ZNF891: variants seen among roughly 807,000 people sequenced by gnomAD.
The protein encoded by ZNF891 is hCG1646157.
For missense variants in ZNF891, 589 were observed against 632.7 expected (o/e 0.93, Z 0.74); for synonymous variants, 199 against 209.0 (o/e 0.95, Z 0.41).
At position 133,117,636 on chromosome 12, in the gene ZNF891, AC is replaced by A. The variant is rs1955722877; in HGVS notation, c.*2647del. On this transcript the variant is annotated 3_prime_UTR_variant, in exon 2 of 2. Coordinates refer to ENST00000537226, the MANE Select transcript of ZNF891 (RefSeq NM_001277291.2). Reference sequence around the variant, plus strand: ...GCTGCATATTAAACCTCACCATACTACATTCATCACATTAGAATTCAAACAT... The same window carrying A: ...GCTGCATATTAAACCTCACCATACTAATTCATCACATTAGAATTCAAACAT... The A allele has an allele frequency of 2.6e-5, 4 of 152,248 alleles. No homozygotes were observed. 9.4% of individuals were successfully genotyped at this position (152,248 alleles called of 1,614,324 possible).
rs1241503002 is a variant in ZNF891, at chr12:133,117,169, C to T, written c.*3115G>A. On this transcript the variant is annotated 3_prime_UTR_variant, in exon 2 of 2. Coordinates refer to ENST00000537226, the MANE Select transcript of ZNF891 (RefSeq NM_001277291.2). ...TAAAACCTCCTTGCAGAATTTCATCCACCTTCCTCTTAGCAGATAATCTTA... is the reference window on the plus strand; with the variant it reads ...TAAAACCTCCTTGCAGAATTTCATCTACCTTCCTCTTAGCAGATAATCTTA... 2 of 152,186 alleles carry T rather than the reference C, an allele frequency of 1.3e-5. No homozygotes were observed. The highest frequency in any genetic ancestry group is 2.4e-5 in the African/African-American group (1 of 41,448). 9.4% of individuals were successfully genotyped at this position (152,186 alleles called of 1,614,324 possible).
chr12:133,121,095 T>C lies in ZNF891; in HGVS notation c.824A>G (p.His275Arg). The change falls in exon 2 of 2, where the codon CAC (histidine) becomes CGC (arginine). Residue 275 changes from histidine (H) to arginine (R), a missense_variant. Transcript: ENST00000537226. ...KEYTYSKHGM[H>R]FTHNMFPVPN... ...TACAGGAAACATATTATGTGTGAAG[T>C]GCATTCCATGTTTAGAATATGTGTA... The C allele has an allele frequency of 6.5e-7, 1 of 1,535,530 alleles. No homozygotes were observed. Among genetic ancestry groups the C allele is most frequent in the Non-Finnish European group, 8.7e-7 (1 of 1,146,764 alleles).
Position 133,113,770 on chromosome 12 carries a change from T to C in ZNF891, c.*6514A>G, listed in dbSNP as rs533485554. The C allele has an allele frequency of 1.1e-4, 16 of 152,348 alleles. No individual in the cohort carries two copies. Among genetic ancestry groups the C allele is most frequent in the African/African-American group, 3.8e-4 (16 of 41,576 alleles). The allele number at this position is 152,348 out of a possible 1,614,324, so 9.4% of individuals were successfully genotyped here. On this transcript the variant is annotated 3_prime_UTR_variant, in exon 2 of 2. Coordinates refer to ENST00000537226, the MANE Select transcript of ZNF891 (RefSeq NM_001277291.2). Reference sequence around the variant, plus strand: ...CAGGGTCTTACTCTGTCACCCAGGCTGGAGTGCAGTGGTGCACACAGCTCA... The same window carrying C: ...CAGGGTCTTACTCTGTCACCCAGGCCGGAGTGCAGTGGTGCACACAGCTCA...
chr12:133,128,490 C>T (rs1317784401), intron 1 of ZNF891, among the ~76,000 whole-genome samples: 1 of 151,998 alleles, frequency 6.6e-6, no homozygotes. Context: ...AAAAATTAAC[C>T]GGGCATGGCA....
rs1955671818 is a variant in ZNF891 at position 133,110,129 on chromosome 12, C to A, written c.*10155G>T. Reference sequence around the variant, plus strand: ...TTTATTTACTCTCAGGACCTTCAGACAAAGTTTGTCAACTCTGATATAAAT... The same window carrying A: ...TTTATTTACTCTCAGGACCTTCAGAAAAAGTTTGTCAACTCTGATATAAAT... On this transcript the variant is annotated 3_prime_UTR_variant, in exon 2 of 2. Transcript: ENST00000537226. The A allele has an allele frequency of 6.6e-6, 1 of 152,178 alleles. No individual in the cohort carries two copies. The highest frequency in any genetic ancestry group is 1.5e-5 in the Non-Finnish European group (1 of 68,034). 9.4% of individuals were successfully genotyped at this position (152,178 alleles called of 1,614,324 possible). A position where few individuals can be genotyped will look rare whatever the true frequency, so the allele number is the denominator to read the frequency against.
intron 1 of ZNF891, among the ~76,000 whole-genome samples, chr12:133,128,084 A>C (rs1566339640): frequency 6.6e-6 from 1 of 152,210 alleles, no homozygotes; most frequent in African/African-American, 2.4e-5. Context: ...TGTAGAAAGA[A>C]GGCAGCCAAA....
Position 133,106,406 on chromosome 12 carries a change from AAG to A in ZNF891, c.*13876_*13877del. Reference sequence around the variant, plus strand: ...GCATGCATCCCTTATTCAACATACGAAGAGTCACACTGGAGAGAAACCCTATG... The same window carrying A: ...GCATGCATCCCTTATTCAACATACGAAGTCACACTGGAGAGAAACCCTATG... On this transcript the variant is annotated 3_prime_UTR_variant, in exon 2 of 2. Transcript: ENST00000537226. 6.2e-7 allele frequency: 1 copy of A among 1,614,200 alleles called. No individual in the cohort carries two copies. Among genetic ancestry groups the A allele is most frequent in the Non-Finnish European group, 8.5e-7 (1 of 1,180,028 alleles).
chr12:133,106,820 G>C lies in ZNF891; in HGVS notation c.*13464C>G. 1.9e-6 allele frequency: 1 copy of C among 526,208 alleles called. No homozygotes were observed. Among genetic ancestry groups the C allele is most frequent in the Non-Finnish European group, 3.1e-6 (1 of 320,108 alleles). 32.6% of individuals were successfully genotyped at this position (526,208 alleles called of 1,614,324 possible). A position where few individuals can be genotyped will look rare whatever the true frequency, so the allele number is the denominator to read the frequency against. On this transcript the variant is annotated 3_prime_UTR_variant, in exon 2 of 2. Transcript: ENST00000537226. ...TGGAGAAAAAAAAACCCAGGAATAT[G>C]TGGAAAAGCCATTAATAACCACTCT...
chr12:133,111,301 C>G lies in ZNF891; in HGVS notation c.*8983G>C, dbSNP rs910742362. The G allele has an allele frequency of 1.3e-5, 2 of 152,106 alleles. No individual in the cohort carries two copies. Among genetic ancestry groups the G allele is most frequent in the African/African-American group, 4.8e-5 (2 of 41,416 alleles). The allele number at this position is 152,106 out of a possible 1,614,324, so 9.4% of individuals were successfully genotyped here. A position where few individuals can be genotyped will look rare whatever the true frequency, so the allele number is the denominator to read the frequency against. On this transcript the variant is annotated 3_prime_UTR_variant, in exon 2 of 2. Transcript: ENST00000537226. The stretch of plus-strand genomic sequence containing the variant: ...TTGAGCCCAGGAGTTTGATACCAGC[C>G]TGGGCAATGCAGTGAGACCCCATTT...
Position 133,113,082 on chromosome 12 carries a change from A to ATT in ZNF891, c.*7201_*7202insAA, listed in dbSNP as rs1423050389. On this transcript the variant is annotated 3_prime_UTR_variant, in exon 2 of 2. Coordinates refer to ENST00000537226, the MANE Select transcript of ZNF891 (RefSeq NM_001277291.2). ...TCAAAAAATATATATATATATATTT[A>ATT]TATTTATTTATTAAAAATATATTTA... is the stretch of plus-strand genomic sequence containing the variant. 9.5e-5 allele frequency: 14 copies of ATT among 147,612 alleles called. No homozygotes were observed. Among genetic ancestry groups the ATT allele is most frequent in the African/African-American group, 3.4e-4 (14 of 40,742 alleles). The allele number at this position is 147,612 out of a possible 1,614,324, so 9.1% of individuals were successfully genotyped here.
rs953966609 is a variant in ZNF891 at position 133,113,121 on chromosome 12, A to T, written c.*7163T>A. 6.7e-5 allele frequency: 10 copies of T among 148,300 alleles called. No homozygotes were observed. The highest frequency in any genetic ancestry group is 4.2e-4 in the South Asian group (2 of 4,808). The allele number at this position is 148,300 out of a possible 1,614,324, so 9.2% of individuals were successfully genotyped here. ...AAAATATATTTATAAAATATAAAAA[A>T]ATATATTTTTCAATTTTTTTAATCT... On this transcript the variant is annotated 3_prime_UTR_variant, in exon 2 of 2. Coordinates refer to ENST00000537226, the MANE Select transcript of ZNF891 (RefSeq NM_001277291.2).
chr12:133,105,414 T>G lies in ZNF891; in HGVS notation c.*14870A>C. 2.2e-6 allele frequency: 3 copies of G among 1,338,082 alleles called. No homozygotes were observed. The highest frequency in any genetic ancestry group is 3.0e-6 in the Non-Finnish European group (3 of 1,001,518). 82.9% of individuals were successfully genotyped at this position (1,338,082 alleles called of 1,614,324 possible). A position where few individuals can be genotyped will look rare whatever the true frequency, so the allele number is the denominator to read the frequency against. The stretch of plus-strand genomic sequence containing the variant: ...TGAAAGCTGCTATTGATAAGATTTT[T>G]TGAAACTTCATTCTGTTGCTAAAGA... On this transcript the variant is annotated 3_prime_UTR_variant, in exon 2 of 2. Coordinates refer to ENST00000537226, the MANE Select transcript of ZNF891 (RefSeq NM_001277291.2).
Position 133,112,001 on chromosome 12 carries a change from A to T in ZNF891, c.*8283T>A, listed in dbSNP as rs1955685568. 6.6e-6 allele frequency: 1 copy of T among 152,306 alleles called. No individual in the cohort carries two copies. The highest frequency in any genetic ancestry group is 2.4e-5 in the African/African-American group (1 of 41,568). The allele number at this position is 152,306 out of a possible 1,614,324, so 9.4% of individuals were successfully genotyped here. On this transcript the variant is annotated 3_prime_UTR_variant, in exon 2 of 2. Coordinates refer to ENST00000537226, the MANE Select transcript of ZNF891 (RefSeq NM_001277291.2). Reference sequence around the variant, plus strand: ...AACAAATAATTTCAATCTCTGAAAAACTTAAATAGTTCCTCATAACTCTTC... The same window carrying T: ...AACAAATAATTTCAATCTCTGAAAATCTTAAATAGTTCCTCATAACTCTTC...
At chr12:133,127,857 C>T (rs951181249) in intron 1 of ZNF891, among the ~76,000 whole-genome samples, 2 of 151,918 alleles carry the variant, frequency 1.3e-5, no homozygotes, top group Non-Finnish European at 2.9e-5. Context: ...AAAATGGAAC[C>T]AAAAGACATT....
Position 133,120,828 on chromosome 12 carries a change from C to CTT in ZNF891, c.1089_1090dup (p.Arg364LysfsTer5). On this transcript the variant is annotated frameshift_variant, in exon 2 of 2. Transcript: ENST00000537226. LOFTEE classifies it low-confidence loss of function (END_TRUNC). ...TCCAGTGTGAGTTCTTACATGTCTC[C>CTT]TTAAGGTTGAGGAATCATTGAACAC... The CTT allele has an allele frequency of 6.4e-7, 1 of 1,561,178 alleles. No homozygotes were observed. The highest frequency in any genetic ancestry group is 8.7e-7 in the Non-Finnish European group (1 of 1,154,726).
rs1381093590 is a variant in ZNF891, at chr12:133,115,355, T to G, written c.*4929A>C. ...TTGCTGTGAGCCGAGAACGTGCCAC[T>G]GCACTCCAGCCTGGGAAAAAGCAAA... On this transcript the variant is annotated 3_prime_UTR_variant, in exon 2 of 2. Coordinates refer to ENST00000537226, the MANE Select transcript of ZNF891 (RefSeq NM_001277291.2). 1.9e-5 allele frequency: 2 copies of G among 105,010 alleles called. No individual in the cohort carries two copies. Among genetic ancestry groups the G allele is most frequent in the Non-Finnish European group, 3.8e-5 (2 of 52,730 alleles). 6.5% of individuals were successfully genotyped at this position (105,010 alleles called of 1,614,324 possible).
chr12:133,120,419 G>C lies in ZNF891; in HGVS notation c.1500C>G (p.Ser500=). 1 of 1,602,700 alleles carries C rather than the reference G, an allele frequency of 6.2e-7. No individual in the cohort carries two copies. The highest frequency in any genetic ancestry group is 8.5e-7 in the Non-Finnish European group (1 of 1,175,204). ...CKECRKAFSV[S]SSLRRHVRIH... Reference sequence around the variant, plus strand: ...TTCTCACATGCCTCCTAAGGGAAGAGGAAACACTGAAGGCTTTCCTACATT... The same window carrying C: ...TTCTCACATGCCTCCTAAGGGAAGACGAAACACTGAAGGCTTTCCTACATT... The change falls in exon 2 of 2, where the codon TCC becomes TCG. Residue 500 remains serine, a synonymous_variant. Transcript: ENST00000537226.
chr12:133,126,124 AT>A (rs1033760060), intron 1 of ZNF891, among the ~76,000 whole-genome samples: 1 of 152,070 alleles, frequency 6.6e-6, no homozygotes, highest in African/African-American at 2.4e-5. Flanking sequence ...AACTCTATGG[AT>A]TTTTTTTAAT....
At position 133,106,016 on chromosome 12, in the gene ZNF891, T is replaced by G. The variant is rs1255627819; in HGVS notation, c.*14268A>C. The G allele has an allele frequency of 3.1e-6, 5 of 1,614,036 alleles. No individual in the cohort carries two copies. Among genetic ancestry groups the G allele is most frequent in the Non-Finnish European group, 8.5e-7 (1 of 1,180,046 alleles). On this transcript the variant is annotated 3_prime_UTR_variant, in exon 2 of 2. Transcript: ENST00000537226. Reference sequence around the variant, plus strand: ...GCACACTGGGGAGAAACCTTATGAATGTACTGAGTGTGGAAAGGCCTTTAG... The same window carrying G: ...GCACACTGGGGAGAAACCTTATGAAGGTACTGAGTGTGGAAAGGCCTTTAG...
Sources: gnomAD v4.1 joint callset for allele counts (sites outside exome capture counted in the v4.1 genomes callset) on GRCh38, gnomAD v4.1.1 for gene constraint, MANE v1.5 for transcripts, NCBI Gene and HGNC (gene_info 2026-07-23, HGNC 2026-07-21) for gene names.